The following ARHGAP22 variants were observed in gnomAD, a reference collection of about 807,000 sequenced individuals.
The protein encoded by ARHGAP22 is Rho GTPase activating protein 22, also known as rho GTPase-activating protein 22.
A neutral mutation model predicts 59.1 loss-of-function variants in ARHGAP22; 48 were observed. That is an observed-to-expected ratio of 0.81 (90% CI 0.64 to 1.03). ARHGAP22 has a LOEUF of 1.03. Ranked by LOEUF, ARHGAP22 falls within the 50% of genes least tolerant of loss-of-function variation. The pLI, the probability that ARHGAP22 is intolerant of heterozygous loss-of-function variation, is 0.00. For missense variants in ARHGAP22, 1,015 were observed against 958.7 expected (o/e 1.06, Z -0.78); for synonymous variants, 445 against 416.4 (o/e 1.07, Z -0.84).
intron 3 of ARHGAP22, among the ~76,000 whole-genome samples, chr10:48,537,203 G>A (rs749723687): frequency 2.6e-5 from 4 of 152,320 alleles, no homozygotes; most frequent in South Asian, 2.1e-4. Flanking sequence ...CCCTTGCGGG[G>A]TGGCTGGTCT....
At chr10:48,624,584 C>G (rs187576771) in intron 1 of ARHGAP22, among the ~76,000 whole-genome samples, 1 of 152,292 alleles carries the variant, frequency 6.6e-6, no homozygotes, top group East Asian at 1.9e-4. Flanking sequence ...CCCCATCCAG[C>G]CCAAGTCCCT....
At chr10:48,571,394 G>T (rs555734322) in intron 2 of ARHGAP22, among the ~76,000 whole-genome samples, 2 of 152,228 alleles carry the variant, frequency 1.3e-5, no homozygotes, top group Non-Finnish European at 2.9e-5. Context: ...TCCTCCTATG[G>T]ACATGAGTTT....
intron 3 of ARHGAP22, among the ~76,000 whole-genome samples, chr10:48,506,037 G>A (rs1406463891): frequency 5.3e-5 from 8 of 152,188 alleles, no homozygotes; most frequent in East Asian, 3.9e-4. Flanking sequence ...ATCTCTCACC[G>A]ACGCTCCTTC....
chr10:48,628,975 C>T (rs2061541202), intron 1 of ARHGAP22, among the ~76,000 whole-genome samples: 1 of 152,166 alleles, frequency 6.6e-6, no homozygotes, highest in African/African-American at 2.4e-5. Context: ...GTGTCTGCTC[C>T]TTGGAGTTTA....
chr10:48,627,471 A>C (rs977917946), intron 1 of ARHGAP22, among the ~76,000 whole-genome samples: 1 of 152,210 alleles, frequency 6.6e-6, no homozygotes, highest in African/African-American at 2.4e-5. Flanking sequence ...AGAATCAGAG[A>C]GGGCAAGACA....
At chr10:48,645,935 C>T (rs1017528713) in intron 1 of ARHGAP22, among the ~76,000 whole-genome samples, 2 of 152,106 alleles carry the variant, frequency 1.3e-5, no homozygotes, top group Admixed American at 1.3e-4. Flanking sequence ...TGATATGATA[C>T]TGTGTTTGGA....
chr10:48,435,051 GGGA>G, the ARHGAP22 span: 12 of 1,430,620 alleles, frequency 8.4e-6, no homozygotes, highest in Non-Finnish European at 1.1e-5. Flanking sequence ...ATCGGGGGGT[GGGA>G]GGGATGGGGA....
At chr10:48,507,175 A>G (rs2052231299) in intron 3 of ARHGAP22, among the ~76,000 whole-genome samples, 1 of 152,218 alleles carries the variant, frequency 6.6e-6, no homozygotes, top group African/African-American at 2.4e-5. Flanking sequence ...TTCCATACAC[A>G]GAGCATCACA....
At chr10:48,465,730 C>G (rs1297860548) in intron 4 of ARHGAP22, among the ~76,000 whole-genome samples, 1 of 152,196 alleles carries the variant, frequency 6.6e-6, no homozygotes, top group Non-Finnish European at 1.5e-5. Flanking sequence ...ATGACATAGT[C>G]TGGGAAGAGG....
chr10:48,443,551 AGGC>A (rs2045252387), downstream of ARHGAP22, among the ~76,000 whole-genome samples: 1 of 152,046 alleles, frequency 6.6e-6, no homozygotes, highest in Admixed American at 6.5e-5. Context: ...TTCTTGGTGG[AGGC>A]AGGAGTAAGG....
intron 1 of ARHGAP22, among the ~76,000 whole-genome samples, chr10:48,592,043 GA>G (rs2059791228): frequency 6.6e-6 from 1 of 152,156 alleles, no homozygotes; most frequent in Non-Finnish European, 1.5e-5. Context: ...CCGTTAGTAA[GA>G]AAATGGACAA....
chr10:48,518,467 A>C (rs761615199), intron 3 of ARHGAP22, among the ~76,000 whole-genome samples: 1 of 152,264 alleles, frequency 6.6e-6, no homozygotes, highest in African/African-American at 2.4e-5. Flanking sequence ...TGAGCAAACA[A>C]CAGGGGTCAG....
intron 1 of ARHGAP22, among the ~76,000 whole-genome samples, chr10:48,650,433 G>A (rs939588477): frequency 1.3e-5 from 2 of 152,184 alleles, no homozygotes; most frequent in African/African-American, 4.8e-5. Flanking sequence ...GTGGAGAAGA[G>A]GGAGCAACCT....
intron 2 of ARHGAP22, among the ~76,000 whole-genome samples, chr10:48,563,073 A>G (rs1303250145): frequency 6.6e-6 from 1 of 152,054 alleles, no homozygotes; most frequent in Non-Finnish European, 1.5e-5. Context: ...CCATCTTCGA[A>G]GCCAGCAGCC....
chr10:48,624,321 A>C (rs1483857100), intron 1 of ARHGAP22: 1 of 152,228 alleles, frequency 6.6e-6, no homozygotes, highest in Non-Finnish European at 1.5e-5. Flanking sequence ...TGTGCTTGTA[A>C]TCCCAGCTAC....
At chr10:48,510,147 G>A (rs2052606236) in intron 3 of ARHGAP22, among the ~76,000 whole-genome samples, 1 of 152,186 alleles carries the variant, frequency 6.6e-6, no homozygotes, top group African/African-American at 2.4e-5. Context: ...GAGAACCCAG[G>A]GCACAGTAAG....
intron 1 of ARHGAP22, among the ~76,000 whole-genome samples, chr10:48,637,229 A>G (rs1478288241): frequency 1.3e-5 from 2 of 152,204 alleles, no homozygotes; most frequent in Non-Finnish European, 2.9e-5. Flanking sequence ...GGTGGGGGGC[A>G]AGGGGTAGAA....
chr10:48,573,557 T>C (rs1254785431), intron 2 of ARHGAP22, among the ~76,000 whole-genome samples: 1 of 152,260 alleles, frequency 6.6e-6, no homozygotes, highest in Non-Finnish European at 1.5e-5. Flanking sequence ...GCTCTGCATG[T>C]TCAGGCAATC....
chr10:48,452,262 G>C (rs1384639692), intron 8 of ARHGAP22, among the ~76,000 whole-genome samples: 1 of 152,184 alleles, frequency 6.6e-6, no homozygotes, highest in Non-Finnish European at 1.5e-5. Context: ...CCGACGCTAG[G>C]AGGTCCCCCG....
Sources: gnomAD v4.1 joint callset for allele counts (sites outside exome capture counted in the v4.1 genomes callset) on GRCh38, gnomAD v4.1.1 for gene constraint, MANE v1.5 for transcripts, NCBI Gene and HGNC (gene_info 2026-07-23, HGNC 2026-07-21) for gene names.